SOX5: variants seen among roughly 807,000 people sequenced by gnomAD.
The protein encoded by SOX5 is SRY-box transcription factor 5.
In SOX5, 9 loss-of-function variants were observed where a neutral mutation model predicts 92.0. That is an observed-to-expected ratio of 0.10 (90% CI 0.06 to 0.17). The LOEUF is 0.17. Among genes scored for constraint, SOX5 ranks in the 10% least tolerant of loss-of-function variants. The probability of loss-of-function intolerance (pLI) is 1.00; values close to 1 mark genes in which losing one functional copy is unlikely to be tolerated. For synonymous variants in SOX5, 344 were observed against 336.3 expected (o/e 1.02, Z -0.25); for missense variants, 642 against 944.5 (o/e 0.68, Z 4.20).
intron 13 of SOX5, among the ~76,000 whole-genome samples, chr12:23,540,859 C>T (rs1382541116): frequency 2.0e-5 from 3 of 152,168 alleles, no homozygotes; most frequent in South Asian, 2.1e-4. Flanking sequence ...GGCATGCTGT[C>T]GGAGGCTGTT....
intron 1 of SOX5, among the ~76,000 whole-genome samples, chr12:24,560,032 A>G (rs1954176732): frequency 6.6e-6 from 1 of 152,320 alleles, no homozygotes; most frequent in Middle Eastern, 3.4e-3. Context: ...CTGTATTAAG[A>G]GTTTACACTT....
rs951493425 is a variant in SOX5, at chr12:24,235,490, C to T, written c.-76-22073G>A. Among the ~76,000 whole-genome samples the T allele has an allele frequency of 7.2e-5, 11 of 152,196 alleles. No homozygotes were observed. In the East Asian group the frequency reaches 1.7e-3, roughly 24 times the overall value. ...AACTCATAAAACAAAATAATAGAAA[C>T]CCTACATTAATTTGTACTCTACTAA... On this transcript the variant is annotated intron_variant, in intron 3 of 4. Transcript: ENST00000446891.
rs575132318 is a variant in SOX5 at position 24,534,374 on chromosome 12, T to C, written c.-251+27955A>G. On this transcript the variant is annotated intron_variant, in intron 1 of 4. Coordinates refer to the SOX5 transcript ENST00000446891. ...AAGTCTTCTTTCTTTGAAAGACTAA[T>C]GCTTACAAAATAAATTATAGTCAAT... Among the ~76,000 whole-genome samples the C allele has an allele frequency of 9.9e-5, 15 of 152,148 alleles. No homozygotes were observed. In the South Asian group the frequency reaches 3.1e-3, roughly 32 times the overall value.
At chr12:24,335,971 T>TTATATATATATATATATATA (rs1168839892) in intron 2 of SOX5, among the ~76,000 whole-genome samples, 1 of 9,564 alleles carries the variant, frequency 1.0e-4, no homozygotes, top group Admixed American at 1.7e-3. Context: ...AGAAATGCTA[T>TTATATATATATATATATATA]CATATATATA....
At chr12:24,469,280 T>C (rs998457479) in intron 1 of SOX5, among the ~76,000 whole-genome samples, 1 of 152,082 alleles carries the variant, frequency 6.6e-6, no homozygotes, top group Admixed American at 6.5e-5. Context: ...ATGCAAGCGA[T>C]GGGGAGCGGC....
At chr12:23,719,982 A>G (rs1398149706) in intron 6 of SOX5, among the ~76,000 whole-genome samples, 1 of 152,146 alleles carries the variant, frequency 6.6e-6, no homozygotes, top group Non-Finnish European at 1.5e-5. Context: ...CCAGTAGAAG[A>G]CAGGTTTAAG....
intron 1 of SOX5, among the ~76,000 whole-genome samples, chr12:23,920,907 T>C (rs1460763692): frequency 1.3e-5 from 2 of 152,170 alleles, no homozygotes; most frequent in African/African-American, 4.8e-5. Flanking sequence ...AAAGGGCATA[T>C]AAAATTTTTA....
chr12:23,757,046 C>T (rs1166319799), intron 3 of SOX5, among the ~76,000 whole-genome samples: 1 of 151,872 alleles, frequency 6.6e-6, no homozygotes, highest in Non-Finnish European at 1.5e-5. Flanking sequence ...ATATGGAACA[C>T]TTCTGTCTCA....
At chr12:23,734,067 G>T (rs1228143711) in intron 6 of SOX5, among the ~76,000 whole-genome samples, 1 of 152,182 alleles carries the variant, frequency 6.6e-6, no homozygotes, top group Non-Finnish European at 1.5e-5. Flanking sequence ...GCAAGTTGTG[G>T]AAACAAGACA....
At chr12:23,725,855 A>C (rs1023171891) in intron 6 of SOX5, among the ~76,000 whole-genome samples, 2 of 152,186 alleles carry the variant, frequency 1.3e-5, no homozygotes, top group Non-Finnish European at 1.5e-5. Flanking sequence ...AAAGTATTAC[A>C]AAAATATGGG....
chr12:23,782,851 C>T (rs552748748), intron 3 of SOX5, among the ~76,000 whole-genome samples: 3 of 152,198 alleles, frequency 2.0e-5, no homozygotes, highest in South Asian at 4.1e-4. Flanking sequence ...TGAAGCAAAT[C>T]TACAACAGAG....
At chr12:24,212,738 G>A (rs1373865784) in intron 4 of SOX5, among the ~76,000 whole-genome samples, 3 of 152,176 alleles carry the variant, frequency 2.0e-5, no homozygotes, top group Non-Finnish European at 2.9e-5. Context: ...ACTGCTGAAT[G>A]CTCCCAGGAG....
Position 24,338,961 on chromosome 12 carries a change from A to G in SOX5, c.-174+29602T>C, listed in dbSNP as rs573118123. Among the ~76,000 whole-genome samples the G allele has an allele frequency of 1.4e-3, 220 of 152,298 alleles. 1 individual carries two copies. The highest frequency in any genetic ancestry group is 5.1e-3 in the African/African-American group (211 of 41,556). On this transcript the variant is annotated intron_variant, in intron 2 of 4. Coordinates refer to the SOX5 transcript ENST00000446891. The stretch of plus-strand genomic sequence containing the variant: ...CAGTAGTATGAAAATGGACTAACAC[A>G]GGTTGATTATTCATTCTTATTTATT...
rs567234743 is a variant in SOX5, at chr12:24,529,933, T to A, written c.-251+32396A>T. The stretch of plus-strand genomic sequence containing the variant: ...TACTCGGGAGGCTGAGGCAGGAGAA[T>A]GGCGTGAACCCGGGAGGCAGAGCTT... On this transcript the variant is annotated intron_variant, in intron 1 of 4. Coordinates refer to the SOX5 transcript ENST00000446891. Among the ~76,000 whole-genome samples, 4 of 142,860 alleles carry A rather than the reference T, an allele frequency of 2.8e-5. No homozygotes were observed. In the Admixed American group the frequency reaches 3.1e-4, roughly 11 times the overall value. 93.7% of individuals were successfully genotyped at this position (142,860 alleles called of 152,430 possible).
intron 4 of SOX5, among the ~76,000 whole-genome samples, chr12:24,163,099 C>T (rs137927190): frequency 0.014 from 2,200 of 152,174 alleles, 25 homozygotes; most frequent in Non-Finnish European, 0.023. Context: ...AACAGTCAGA[C>T]TTTTAATTTC....
At chr12:24,237,694 G>T (rs983994501) in intron 3 of SOX5, 2 of 151,036 alleles carry the variant, frequency 1.3e-5, no homozygotes, top group African/African-American at 4.9e-5. Flanking sequence ...AACTTATTTT[G>T]TTTGCTATTG....
At chr12:24,268,540 A>C (rs2140306240) in intron 3 of SOX5, among the ~76,000 whole-genome samples, 1 of 152,328 alleles carries the variant, frequency 6.6e-6, no homozygotes, top group South Asian at 2.1e-4. Context: ...AAAATGTTAC[A>C]CCTTTCAGAA....
intron 3 of SOX5, among the ~76,000 whole-genome samples, chr12:24,248,049 A>C (rs923681447): frequency 3.3e-5 from 5 of 152,138 alleles, no homozygotes; most frequent in African/African-American, 1.2e-4. Flanking sequence ...GTCTGGGTGG[A>C]GCCTTTGCGG....
At chr12:23,857,674 T>G (rs978947272) in intron 2 of SOX5, among the ~76,000 whole-genome samples, 2 of 152,162 alleles carry the variant, frequency 1.3e-5, no homozygotes, top group Admixed American at 6.5e-5. Flanking sequence ...TTTAGATGGT[T>G]AGATACTCTA....
Sources: gnomAD v4.1 joint callset for allele counts (sites outside exome capture counted in the v4.1 genomes callset) on GRCh38, gnomAD v4.1.1 for gene constraint, MANE v1.5 for transcripts, NCBI Gene and HGNC (gene_info 2026-07-23, HGNC 2026-07-21) for gene names.